Variants in GALNT10 observed in about 807,000 individuals in gnomAD.
GALNT10 encodes the protein GalNAc transferase 10.
Under a neutral mutation model 75.0 loss-of-function variants are expected in GALNT10, and 41 were observed. That is an observed-to-expected ratio of 0.55 (90% CI 0.43 to 0.71). GALNT10 has a LOEUF of 0.71. Among genes scored for constraint, GALNT10 ranks in the 30% least tolerant of loss-of-function variants. The pLI, the probability that GALNT10 is intolerant of heterozygous loss-of-function variation, is 0.00. For missense variants in GALNT10, 727 were observed against 818.5 expected (o/e 0.89, Z 1.36); for synonymous variants, 302 against 313.0 (o/e 0.96, Z 0.37).
At chr5:154,312,889 C>T (rs1296541777) in intron 3 of GALNT10, among the ~76,000 whole-genome samples, 3 of 152,194 alleles carry the variant, frequency 2.0e-5, no homozygotes, top group African/African-American at 7.2e-5. Context: ...GTTCCTCTTT[C>T]CTGCTGTCAT....
intron 3 of GALNT10, among the ~76,000 whole-genome samples, chr5:154,302,120 C>T (rs537632869): frequency 6.6e-6 from 1 of 152,198 alleles, no homozygotes; most frequent in Non-Finnish European, 1.5e-5. Context: ...TTAGAGCAGT[C>T]GAGCCGCTCA....
intron 1 of GALNT10, among the ~76,000 whole-genome samples, chr5:154,290,221 AGCT>A (rs1377944836): frequency 7.0e-6 from 1 of 143,546 alleles, no homozygotes; most frequent in East Asian, 2.1e-4. Flanking sequence ...CCTCCCAAAT[AGCT>A]GGGATTATAG....
At chr5:154,408,983 A>G (rs1311590210) in intron 8 of GALNT10, among the ~76,000 whole-genome samples, 2 of 152,166 alleles carry the variant, frequency 1.3e-5, no homozygotes, top group Non-Finnish European at 2.9e-5. Context: ...ATCCTTGGAC[A>G]GGCTCTCCTT....
At chr5:154,382,779 G>A (rs1292479860) in intron 6 of GALNT10, among the ~76,000 whole-genome samples, 1 of 152,210 alleles carries the variant, frequency 6.6e-6, no homozygotes, top group Non-Finnish European at 1.5e-5. Context: ...CTCATTGAAA[G>A]GTACTTAAGG....
chr5:154,200,299 C>G (rs1017981244), intron 1 of GALNT10, among the ~76,000 whole-genome samples: 3 of 152,052 alleles, frequency 2.0e-5, no homozygotes, highest in African/African-American at 4.8e-5. Flanking sequence ...CGCCAGGGTT[C>G]TGTGTGTGTG....
At chr5:154,413,159 G>A (rs1408273373) in intron 10 of GALNT10, among the ~76,000 whole-genome samples, 154 bp downstream of exon 10, 3 of 152,166 alleles carry the variant, frequency 2.0e-5, no homozygotes, top group Admixed American at 2.0e-4. Context: ...CCTGAACACC[G>A]TGGAAAGGGG....
At chr5:154,297,493 A>T (rs1057249306) in intron 2 of GALNT10, among the ~76,000 whole-genome samples, 1 of 152,230 alleles carries the variant, frequency 6.6e-6, no homozygotes, top group African/African-American at 2.4e-5. Context: ...TGCTGTGGGT[A>T]TCAGAGGAGG....
intron 1 of GALNT10, among the ~76,000 whole-genome samples, chr5:154,193,825 C>T (rs1033911255): frequency 1.1e-4 from 16 of 152,234 alleles, no homozygotes; most frequent in African/African-American, 3.9e-4. Context: ...GTCTACATAA[C>T]TCATGCCAGC....
At chr5:154,345,458 A>G (rs1481584198) in intron 4 of GALNT10, among the ~76,000 whole-genome samples, 1 of 151,584 alleles carries the variant, frequency 6.6e-6, no homozygotes, top group Non-Finnish European at 1.5e-5. Flanking sequence ...TATTTCCCCC[A>G]CCCGGAGCCC....
chr5:154,295,287 G>A (rs1754256682), intron 2 of GALNT10, among the ~76,000 whole-genome samples: 2 of 152,182 alleles, frequency 1.3e-5, no homozygotes, highest in South Asian at 4.1e-4. Flanking sequence ...GCAGTAATAA[G>A]AGCCAGCATT....
chr5:154,415,309 G>A (rs1756481623), intron 10 of GALNT10, among the ~76,000 whole-genome samples: 1 of 152,024 alleles, frequency 6.6e-6, no homozygotes, highest in African/African-American at 2.4e-5. Context: ...GGTGGAAGTA[G>A]AGCTGCAACA....
intron 1 of GALNT10, among the ~76,000 whole-genome samples, chr5:154,232,488 G>C (rs181086303): frequency 6.6e-6 from 1 of 152,154 alleles, no homozygotes; most frequent in Non-Finnish European, 1.5e-5. Flanking sequence ...GGTGGTGGGG[G>C]AACAGACAAT....
rs537720488 is a variant in GALNT10, at chr5:154,335,143, C to CT, written c.568+5410dup. ...CAGTTTATTGCTTGGGTTCTTTCGC[C>CT]TTTTTGAGTTCTTTTGCTGCTTATT... On this transcript the variant is annotated intron_variant, in intron 4 of 11. Transcript: ENST00000297107. Among the ~76,000 whole-genome samples the CT allele has an allele frequency of 1.3e-3, 191 of 152,290 alleles. 1 individual carries two copies. The highest frequency in any genetic ancestry group is 4.5e-3 in the African/African-American group (189 of 41,556).
At chr5:154,344,680 A>T (rs150673532) in intron 4 of GALNT10, among the ~76,000 whole-genome samples, 195 of 152,288 alleles carry the variant, frequency 1.3e-3, no homozygotes, top group African/African-American at 4.5e-3. Flanking sequence ...CAAGTTACCC[A>T]CACACAAAGT....
chr5:154,363,191 G>A (rs576390116), intron 4 of GALNT10, among the ~76,000 whole-genome samples: 1 of 152,270 alleles, frequency 6.6e-6, no homozygotes, highest in South Asian at 2.1e-4. Flanking sequence ...TTGGGATATT[G>A]GGTGAGAAAT....
intron 1 of GALNT10, among the ~76,000 whole-genome samples, chr5:154,290,969 A>G (rs1754186731): frequency 6.6e-6 from 1 of 152,334 alleles, no homozygotes; most frequent in South Asian, 2.1e-4. Context: ...CAGGCTCCAA[A>G]GTCCTCCTGG....
At chr5:154,338,333 T>G in intron 4 of GALNT10, 2 of 509,568 alleles carry the variant, frequency 3.9e-6, no homozygotes, top group South Asian at 1.9e-5. Flanking sequence ...CTCAAAATGC[T>G]CAAAAATTTG....
chr5:154,261,853 G>A (rs920447515), intron 1 of GALNT10, among the ~76,000 whole-genome samples: 1 of 152,186 alleles, frequency 6.6e-6, no homozygotes, highest in African/African-American at 2.4e-5. Flanking sequence ...ATAGCACCTG[G>A]CACTTGGTGG....
intron 3 of GALNT10, among the ~76,000 whole-genome samples, chr5:154,312,972 G>A (rs1223439788): frequency 6.6e-6 from 1 of 152,156 alleles, no homozygotes; most frequent in African/African-American, 2.4e-5. Context: ...ATTTTATCAT[G>A]TGGGACAGCA....
Sources: gnomAD v4.1 joint callset for allele counts (sites outside exome capture counted in the v4.1 genomes callset) on GRCh38, gnomAD v4.1.1 for gene constraint, MANE v1.5 for transcripts, NCBI Gene and HGNC (gene_info 2026-07-23, HGNC 2026-07-21) for gene names.